Variants in BDNF observed in about 807,000 individuals in gnomAD.
The protein encoded by BDNF is neurotrophic factor BDNF precursor form.
A neutral mutation model predicts 19.5 loss-of-function variants in BDNF; 1 was observed. The ratio of observed to expected loss-of-function variants is 0.05; its 90% CI spans 0.02 to 0.24. BDNF has a LOEUF of 0.24. BDNF is among the 10% of genes least tolerant of loss of function. BDNF has a pLI of 1.00. For missense variants in BDNF, 195 were observed against 317.6 expected, an observed-to-expected ratio of 0.61 and a Z score of 2.93; for synonymous variants, 100 against 121.6, an observed-to-expected ratio of 0.82 and a Z score of 1.17.
intron 1 of BDNF, among the ~76,000 whole-genome samples, chr11:27,673,271 G>T (rs775412030): frequency 2.0e-5 from 3 of 151,778 alleles, no homozygotes; most frequent in Non-Finnish European, 4.4e-5. Flanking sequence ...AAAAGCAAGG[G>T]TGATGCAACT....
chr11:27,713,862 C>T (rs1281405108), intron 1 of BDNF, among the ~76,000 whole-genome samples: 1 of 152,214 alleles, frequency 6.6e-6, no homozygotes, highest in African/African-American at 2.4e-5. Flanking sequence ...AGCTTTCTCC[C>T]AGCTTCAGGC....
chr11:27,689,899 C>T (rs1237089761), intron 1 of BDNF, among the ~76,000 whole-genome samples: 1 of 152,006 alleles, frequency 6.6e-6, no homozygotes, highest in Non-Finnish European at 1.5e-5. Context: ...CTCCAGGCCC[C>T]AGTGTGTGTG....
chr11:27,687,961 C>T (rs149651923), intron 1 of BDNF, among the ~76,000 whole-genome samples: 195 of 152,316 alleles, frequency 1.3e-3, no homozygotes, highest in African/African-American at 4.4e-3. Context: ...CTGCTCTCTT[C>T]ACAGCCAACA....
rs895972367 is a variant in BDNF, at chr11:27,674,045, C to T, written c.-21-15460G>A. The T allele has an allele frequency of 3.8e-6, 6 of 1,575,280 alleles. No homozygotes were observed. In the African/African-American group the frequency reaches 5.4e-5, roughly 14 times the overall value. The stretch of plus-strand genomic sequence containing the variant: ...AAAATTAGCAAGAGAAGGCTATTAG[C>T]TCTCTGTTACTCACCTTTATGAAAC... On this transcript the variant is annotated intron_variant, in intron 1 of 1. Coordinates refer to ENST00000356660, the MANE Select transcript of BDNF (RefSeq NM_001709.5).
At chr11:27,659,607 C>A in intron 1 of BDNF, 1 of 998,862 alleles carries the variant, frequency 1.0e-6, no homozygotes, top group South Asian at 4.7e-5. Flanking sequence ...CTCAACTTTT[C>A]TTTTTACTAG....
chr11:27,695,701 A>T (rs1292836675), intron 1 of BDNF, among the ~76,000 whole-genome samples: 1 of 152,042 alleles, frequency 6.6e-6, no homozygotes, highest in Non-Finnish European at 1.5e-5. Context: ...AAGCTTGTAA[A>T]TTTACTTTGC....
rs10626744 is a variant in BDNF at position 27,698,226 on chromosome 11, C to CAAAAAAAAAAAAAAAAAAAAAAA, written c.-22+1915_-22+1937dup. ...CCTGCTAACCCAGAGGTAAATTTCCCAAAAAAAAAAAAAAAAAAAAAAAAA... is the reference window on the plus strand; with the variant it reads ...CCTGCTAACCCAGAGGTAAATTTCCCAAAAAAAAAAAAAAAAAAAAAAAAAAAAAAAAAAAAAAAAAAAAAAAA... On this transcript the variant is annotated intron_variant, in intron 1 of 1. Coordinates refer to ENST00000356660, the MANE Select transcript of BDNF (RefSeq NM_001709.5). 3.7e-4 allele frequency: 30 copies of CAAAAAAAAAAAAAAAAAAAAAAA among 80,822 alleles called. 8 individuals carry two copies. Among genetic ancestry groups the CAAAAAAAAAAAAAAAAAAAAAAA allele is most frequent in the East Asian group, 1.9e-3 (4 of 2,058 alleles). 5.0% of individuals were successfully genotyped at this position (80,822 alleles called of 1,614,324 possible). A position where few individuals can be genotyped will look rare whatever the true frequency, so the allele number is the denominator to read the frequency against.
At chr11:27,661,196 T>A (rs905769024) in intron 1 of BDNF, among the ~76,000 whole-genome samples, 3 of 151,556 alleles carry the variant, frequency 2.0e-5, no homozygotes, top group Admixed American at 6.6e-5. Context: ...TTGCAAGCCC[T>A]GCTCTCTGAG....
chr11:27,674,121 G>A (rs1855765794), intron 1 of BDNF: 2 of 1,611,882 alleles, frequency 1.2e-6, no homozygotes, highest in Non-Finnish European at 1.7e-6. Flanking sequence ...GAGGTACACA[G>A]CACAGCCCTT....
At chr11:27,659,788 C>T (rs531660888) in intron 1 of BDNF, 2 of 599,552 alleles carry the variant, frequency 3.3e-6, no homozygotes, top group South Asian at 7.4e-5. Context: ...AAGCATACCA[C>T]AAAATTAATC....
intron 1 of BDNF, among the ~76,000 whole-genome samples, chr11:27,709,220 T>C (rs1026200632): frequency 2.0e-5 from 3 of 152,182 alleles, no homozygotes; most frequent in African/African-American, 7.2e-5. Context: ...GAAAAGAATT[T>C]TGTCGCTGAA....
At chr11:27,720,231 C>A (rs1162269726) in intron 1 of BDNF, 1 of 735,238 alleles carries the variant, frequency 1.4e-6, no homozygotes, top group Non-Finnish European at 1.7e-6. Flanking sequence ...CAAGAAACAA[C>A]CCCCTCTCAT....
chr11:27,711,656 TGTTA>T (rs1184946240), intron 1 of BDNF, among the ~76,000 whole-genome samples: 2 of 152,258 alleles, frequency 1.3e-5, no homozygotes, highest in African/African-American at 4.8e-5. Context: ...AGATTTTCTG[TGTTA>T]GTTTGGGCAA....
chr11:27,721,325 G>C, intron 1 of BDNF: 1 of 1,467,654 alleles, frequency 6.8e-7, no homozygotes. Context: ...TTTGGCGTGT[G>C]AAGTGCTAGG....
chr11:27,709,088 C>CA (rs1860224961), intron 1 of BDNF, among the ~76,000 whole-genome samples: 1 of 152,138 alleles, frequency 6.6e-6, no homozygotes, highest in African/African-American at 2.4e-5. Context: ...CTCAGCCTCC[C>CA]AAAGAGCTGG....
chr11:27,677,036 G>A (rs1222637899), intron 1 of BDNF: 1 of 152,220 alleles, frequency 6.6e-6, no homozygotes, highest in Non-Finnish European at 1.5e-5. Flanking sequence ...TAGAGCTGGC[G>A]CAAGCCCATG....
At chr11:27,662,076 C>T (rs1282169262) in intron 1 of BDNF, among the ~76,000 whole-genome samples, 10 of 152,142 alleles carry the variant, frequency 6.6e-5, no homozygotes, top group Admixed American at 6.5e-4. Flanking sequence ...AATCTCGGCT[C>T]ACTGCAATCT....
intron 1 of BDNF, among the ~76,000 whole-genome samples, chr11:27,710,140 A>G (rs1860267305): frequency 6.6e-6 from 1 of 152,162 alleles, no homozygotes; most frequent in Non-Finnish European, 1.5e-5. Context: ...TTATGTGTTC[A>G]TGGGGTCCTT....
intron 1 of BDNF, among the ~76,000 whole-genome samples, chr11:27,690,678 ATACTGTTACTAAAT>A (rs1858129635): frequency 6.6e-6 from 1 of 152,180 alleles, no homozygotes; most frequent in Non-Finnish European, 1.5e-5. Flanking sequence ...CCCCAAAGAG[ATACTGTTACTAAAT>A]TACTAAATTT....
Sources: gnomAD v4.1 joint callset for allele counts (sites outside exome capture counted in the v4.1 genomes callset) on GRCh38, gnomAD v4.1.1 for gene constraint, MANE v1.5 for transcripts, NCBI Gene and HGNC (gene_info 2026-07-23, HGNC 2026-07-21) for gene names.